Variants in SGCD observed in about 807,000 individuals in gnomAD.
SGCD encodes the protein delta-sarcoglycan.
SGCD carries 18 observed loss-of-function variants against 36.6 expected under a neutral mutation model. That is an observed-to-expected ratio of 0.49 (90% confidence interval 0.34 to 0.73). The LOEUF is 0.73. Ranked by LOEUF, SGCD falls within the 30% of genes least tolerant of loss-of-function variation. The probability of loss-of-function intolerance (pLI) is 0.01; values close to 1 mark genes in which losing one functional copy is unlikely to be tolerated. For missense variants in SGCD, 387 were observed against 346.7 expected (o/e 1.12, Z -0.92); for synonymous variants, 133 against 130.6 (o/e 1.02, Z -0.12).
chr5:156,425,543 C>A (rs1311098871), intron 3 of SGCD, among the ~76,000 whole-genome samples: 1 of 151,862 alleles, frequency 6.6e-6, no homozygotes, highest in East Asian at 1.9e-4. Context: ...ATTTTTTTCT[C>A]TACTTGGATG....
At chr5:156,193,295 G>C (rs900748208) in intron 3 of SGCD, among the ~76,000 whole-genome samples, 7 of 152,088 alleles carry the variant, frequency 4.6e-5, no homozygotes, top group African/African-American at 1.7e-4. Flanking sequence ...AGCCATACAG[G>C]AACGCGTGCT....
chr5:156,077,215 G>A (rs1760809225), intron 1 of SGCD, among the ~76,000 whole-genome samples: 1 of 152,078 alleles, frequency 6.6e-6, no homozygotes, highest in East Asian at 1.9e-4. Flanking sequence ...TAAGATTAAG[G>A]TGCCACGTGG....
chr5:156,113,164 C>A (rs994848868), intron 1 of SGCD, among the ~76,000 whole-genome samples: 2 of 152,196 alleles, frequency 1.3e-5, no homozygotes, highest in African/African-American at 4.8e-5. Flanking sequence ...TTTCTCTGTC[C>A]CAGGCCTTCA....
At chr5:155,911,319 G>GTGTGTGTGTGTGTGTA (rs145927722) in intron 1 of SGCD, among the ~76,000 whole-genome samples, 1 of 141,380 alleles carries the variant, frequency 7.1e-6, no homozygotes, top group Non-Finnish European at 1.5e-5. Flanking sequence ...GTGTGTGTGT[G>GTGTGTGTGTGTGTGTA]TATATATATA....
chr5:156,068,258 G>A (rs552602824), intron 1 of SGCD, among the ~76,000 whole-genome samples: 23 of 151,906 alleles, frequency 1.5e-4, no homozygotes, highest in Admixed American at 1.3e-3. Flanking sequence ...GTCTCCTAAA[G>A]CTATCCCTCC....
intron 3 of SGCD, among the ~76,000 whole-genome samples, chr5:156,236,496 C>T (rs955925556): frequency 6.7e-6 from 1 of 150,284 alleles, no homozygotes; most frequent in Non-Finnish European, 1.5e-5. Context: ...GTCACCCAGG[C>T]TGGAGTGCAG....
the SGCD span, among the ~76,000 whole-genome samples, chr5:155,755,360 G>T: frequency 6.6e-6 from 1 of 152,122 alleles, no homozygotes; most frequent in African/African-American, 2.4e-5. Context: ...TTTTATTTCT[G>T]TTTGTTTGTA....
the SGCD span, among the ~76,000 whole-genome samples, chr5:155,851,701 C>G: frequency 2.6e-5 from 4 of 152,174 alleles, no homozygotes; most frequent in Non-Finnish European, 5.9e-5. Context: ...CAAATACATA[C>G]ATCATCCTGG....
At chr5:155,935,705 C>T (rs1757179547) in intron 1 of SGCD, among the ~76,000 whole-genome samples, 1 of 152,172 alleles carries the variant, frequency 6.6e-6, no homozygotes, top group African/African-American at 2.4e-5. Flanking sequence ...AAGGTTGTTA[C>T]AGGAGCCTTG....
chr5:155,969,068 G>A (rs571959880), intron 1 of SGCD, among the ~76,000 whole-genome samples: 47 of 152,034 alleles, frequency 3.1e-4, no homozygotes, highest in Non-Finnish European at 5.4e-4. Flanking sequence ...TCACATTGAT[G>A]TACATTTAAG....
At chr5:155,923,087 T>C (rs2113377879) in intron 1 of SGCD, among the ~76,000 whole-genome samples, 1 of 152,326 alleles carries the variant, frequency 6.6e-6, no homozygotes, top group South Asian at 2.1e-4. Flanking sequence ...GATAGAACTG[T>C]GGCTTCAAAT....
At chr5:155,847,634 A>G in the SGCD span, among the ~76,000 whole-genome samples, 1 of 152,278 alleles carries the variant, frequency 6.6e-6, no homozygotes, top group Admixed American at 6.5e-5. Flanking sequence ...ACTCTGAGCC[A>G]GTGTGTAAGA....
At chr5:156,226,653 A>G (rs2127648582) in intron 3 of SGCD, among the ~76,000 whole-genome samples, 1 of 152,292 alleles carries the variant, frequency 6.6e-6, no homozygotes, top group African/African-American at 2.4e-5. Context: ...AGTTTTCCAT[A>G]GCGGCTGTAC....
chr5:156,328,611 T>A (rs186243771), intron 1 of SGCD, among the ~76,000 whole-genome samples: 3 of 152,196 alleles, frequency 2.0e-5, no homozygotes, highest in East Asian at 1.9e-4. Flanking sequence ...TCTGTCCTGT[T>A]GGTAGAAGGT....
intron 1 of SGCD, among the ~76,000 whole-genome samples, chr5:155,986,491 T>A (rs1935546132): frequency 6.6e-6 from 1 of 152,096 alleles, no homozygotes; most frequent in South Asian, 2.1e-4. Context: ...AAGCCTGAGA[T>A]GAGCATGGCA....
At chr5:156,670,215 G>A (rs1361838007) in intron 7 of SGCD, among the ~76,000 whole-genome samples, 1 of 152,162 alleles carries the variant, frequency 6.6e-6, no homozygotes, top group Non-Finnish European at 1.5e-5. Context: ...TATCCATGTG[G>A]TCAGGACGGA....
chr5:156,332,037 AG>A (rs1332257874), intron 2 of SGCD, among the ~76,000 whole-genome samples: 1 of 152,126 alleles, frequency 6.6e-6, no homozygotes, highest in Non-Finnish European at 1.5e-5. Context: ...TGCTTACCAA[AG>A]TCCTTATCTG....
the SGCD span, among the ~76,000 whole-genome samples, chr5:155,769,051 A>C: frequency 6.6e-6 from 1 of 152,184 alleles, no homozygotes; most frequent in African/African-American, 2.4e-5. Context: ...ATTACAGAAG[A>C]TGCCATAAGA....
At chr5:155,895,932 G>A (rs1176145405) in intron 1 of SGCD, among the ~76,000 whole-genome samples, 2 of 152,248 alleles carry the variant, frequency 1.3e-5, no homozygotes, top group Non-Finnish European at 2.9e-5. Flanking sequence ...TGTGAGAGAA[G>A]TGACCTGCAA....
Sources: gnomAD v4.1 joint callset for allele counts (sites outside exome capture counted in the v4.1 genomes callset) on GRCh38, gnomAD v4.1.1 for gene constraint, MANE v1.5 for transcripts, NCBI Gene and HGNC (gene_info 2026-07-23, HGNC 2026-07-21) for gene names.